The following MYO1B variants were observed in gnomAD, a reference collection of about 807,000 sequenced individuals.
The protein encoded by MYO1B is unconventional myosin-Ib.
A neutral mutation model predicts 159.7 loss-of-function variants in MYO1B; 72 were observed. The ratio of observed to expected loss-of-function variants is 0.45; its 90% CI spans 0.37 to 0.55. The LOEUF (loss-of-function observed/expected upper bound fraction) is 0.55. Ranked by LOEUF, MYO1B falls within the 20% of genes least tolerant of loss-of-function variation. The probability of loss-of-function intolerance (pLI) is 0.00; values close to 1 mark genes in which losing one functional copy is unlikely to be tolerated. For missense variants in MYO1B, 1,062 were observed against 1,364.8 expected (o/e 0.78, Z 3.50); for synonymous variants, 468 against 473.8 (o/e 0.99, Z 0.16).
chr2:191,385,983 A>C lies in MYO1B; in HGVS notation c.1453A>C (p.Thr485Pro). The part of the protein sequence containing the change: ...FLEKLNQVCA[T>P]HQHFESRMSK... ...AGAAAAGCTGAACCAAGTATGTGCC[A>C]CCCACCAGCATTTTGAGAGCAGGAT... The change falls in exon 16 of 31, where the codon ACC becomes CCC. Residue 485 changes from threonine to proline, a missense_variant. Around this residue, in one of 5 missense-constraint regions of MYO1B, gnomAD observed 26 missense variants for 26.9 expected, o/e 0.97. Coordinates refer to ENST00000392318, the MANE Select transcript of MYO1B (RefSeq NM_001130158.3). 4.3e-6 allele frequency: 7 copies of C among 1,614,144 alleles called. No homozygotes were observed. The highest frequency in any genetic ancestry group is 5.9e-6 in the Non-Finnish European group (7 of 1,179,996).
chr2:191,406,746 T>C (rs1696938453), intron 24 of MYO1B, among the ~76,000 whole-genome samples: 1 of 152,220 alleles, frequency 6.6e-6, no homozygotes, highest in Non-Finnish European at 1.5e-5. Context: ...GAGCACATGC[T>C]GTTGGAAAAA....
intron 24 of MYO1B, among the ~76,000 whole-genome samples, chr2:191,405,369 A>G (rs1385587033): frequency 2.0e-5 from 3 of 152,144 alleles, no homozygotes; most frequent in Non-Finnish European, 4.4e-5. Flanking sequence ...GTTGGAATCA[A>G]CTTCTTCCAA....
chr2:191,342,305 C>T (rs1158701782), intron 5 of MYO1B, among the ~76,000 whole-genome samples: 3 of 152,166 alleles, frequency 2.0e-5, no homozygotes, highest in Non-Finnish European at 2.9e-5. Context: ...GGGCCTCACC[C>T]GTCATGACCA....
intron 13 of MYO1B, among the ~76,000 whole-genome samples, chr2:191,372,727 A>G (rs1438710959): frequency 2.0e-5 from 3 of 152,104 alleles, no homozygotes; most frequent in African/African-American, 7.2e-5. Context: ...CCCTTCAGCA[A>G]TCCAAGAATA....
chr2:191,310,829 T>G (rs1689958380), intron 3 of MYO1B, among the ~76,000 whole-genome samples: 1 of 152,194 alleles, frequency 6.6e-6, no homozygotes, highest in African/African-American at 2.4e-5. Flanking sequence ...TTTTCAGACT[T>G]GTTAAATATG....
At chr2:191,302,535 A>G (rs1285979075) in intron 3 of MYO1B, among the ~76,000 whole-genome samples, 2 of 152,102 alleles carry the variant, frequency 1.3e-5, no homozygotes, top group African/African-American at 2.4e-5. Context: ...GGTGCTCTTC[A>G]ACTCTTAAGT....
intron 23 of MYO1B, among the ~76,000 whole-genome samples, chr2:191,401,285 GA>G (rs1431075465): frequency 6.6e-6 from 1 of 152,082 alleles, no homozygotes; most frequent in African/African-American, 2.4e-5. Context: ...ATTTATGAAT[GA>G]AATTTTTTTT....
intron 1 of MYO1B, among the ~76,000 whole-genome samples, chr2:191,254,516 T>G (rs1343459574): frequency 1.3e-5 from 2 of 152,004 alleles, no homozygotes; most frequent in Admixed American, 6.6e-5. Flanking sequence ...GGCCTCTTTT[T>G]TTTTTTTAGA....
chr2:191,362,324 G>C lies in MYO1B; in HGVS notation c.718G>C (p.Ala240Pro), dbSNP rs781465830. The C allele has an allele frequency of 6.2e-7, 1 of 1,613,878 alleles. No homozygotes were observed. Among genetic ancestry groups the C allele is most frequent in the Non-Finnish European group, 8.5e-7 (1 of 1,179,816 alleles). Residue 240 changes from alanine (A) to proline (P), a missense_variant, in exon 9 of 31, where the codon GCC becomes CCC. By Grantham distance (27) the Ala-to-Pro change is conservative. Transcript: ENST00000392318. ...GTATAACTACCTGAGTCTGGATTCGGCCAAAGTGAATGGAGTGGATGATGC... is the reference window on the plus strand; with the variant it reads ...GTATAACTACCTGAGTCTGGATTCGCCCAAAGTGAATGGAGTGGATGATGC... ...SRYNYLSLDSAKVNGVDDAAN... is the reference protein window; with the variant it reads ...SRYNYLSLDSPKVNGVDDAAN...
intron 11 of MYO1B, among the ~76,000 whole-genome samples, chr2:191,364,900 G>A (rs1693908046): frequency 6.6e-6 from 1 of 152,180 alleles, no homozygotes. Context: ...AATGTTTTTG[G>A]CCCAAGCAAC....
In MYO1B at chr2:191,387,902, A is replaced by G. The variant is rs188546444; in HGVS notation, c.1781+452A>G. On this transcript the variant is annotated intron_variant, in intron 17 of 30. Transcript: ENST00000392318. ...CTCTGGCACTTCTTAGGAGACATGC[A>G]CTTTTTTCTTCCCTGTGAGAGGTGT... 16 of 196,034 alleles carry G rather than the reference A, an allele frequency of 8.2e-5. 1 individual carries two copies. In the South Asian group the frequency reaches 1.1e-3, roughly 13 times the overall value. 12.1% of individuals were successfully genotyped at this position (196,034 alleles called of 1,614,324 possible).
intron 20 of MYO1B, among the ~76,000 whole-genome samples, chr2:191,393,632 A>T (rs964132796): frequency 9.9e-5 from 15 of 152,158 alleles, no homozygotes; most frequent in African/African-American, 3.4e-4. Context: ...GCTATTCTTT[A>T]TTGTAGCAGC....
chr2:191,296,042 TA>T, intron 2 of MYO1B, 68 bp from the exon 3 acceptor site: 1 of 851,904 alleles, frequency 1.2e-6, no homozygotes, highest in Admixed American at 3.0e-5. Context: ...CATACAACAC[TA>T]AAGCTTAAGA....
chr2:191,264,278 ATG>A (rs1686993489), intron 1 of MYO1B, among the ~76,000 whole-genome samples: 1 of 152,206 alleles, frequency 6.6e-6, no homozygotes, highest in South Asian at 2.1e-4. Context: ...CCTAATGTAA[ATG>A]TATAAATATC....
chr2:191,352,926 G>A (rs1693015937), intron 7 of MYO1B, among the ~76,000 whole-genome samples: 1 of 152,184 alleles, frequency 6.6e-6, no homozygotes, highest in African/African-American at 2.4e-5. Flanking sequence ...TTTGTAGGAA[G>A]TATATTTTGC....
chr2:191,392,017 T>C, intron 18 of MYO1B, 91 bp from the exon 19 acceptor site: 1 of 835,148 alleles, frequency 1.2e-6, no homozygotes, highest in East Asian at 2.5e-5. Flanking sequence ...TGAAGCTATG[T>C]TTTATACCAC....
intron 21 of MYO1B, among the ~76,000 whole-genome samples, chr2:191,396,930 G>T (rs1197823701): frequency 6.6e-6 from 1 of 152,090 alleles, no homozygotes; most frequent in South Asian, 2.1e-4. Flanking sequence ...GCCAGGTCTA[G>T]TGGTGGGGAC....
intron 2 of MYO1B, among the ~76,000 whole-genome samples, chr2:191,286,689 T>A (rs1688392415): frequency 1.3e-5 from 2 of 152,160 alleles, no homozygotes; most frequent in African/African-American, 4.8e-5. Flanking sequence ...TCCCAGCACT[T>A]TGGGAGTCTG....
rs777172774 is a variant in MYO1B at position 191,381,397 on chromosome 2, G to GT, written c.1186-64dup. On this transcript the variant is annotated intron_variant, in intron 13 of 30. Coordinates refer to ENST00000392318, the MANE Select transcript of MYO1B (RefSeq NM_001130158.3). ...ATTTCTCATGGATTGAGATGTCTGA[G>GT]TGTCATTGTTTTGAGAGAGCTAGTG... 7.3e-6 allele frequency: 8 copies of GT among 1,100,834 alleles called. No homozygotes were observed. In the Admixed American group the frequency reaches 1.0e-4, roughly 14 times the overall value. 68.2% of individuals were successfully genotyped at this position (1,100,834 alleles called of 1,614,324 possible). A position where few individuals can be genotyped will look rare whatever the true frequency, so the allele number is the denominator to read the frequency against.
Sources: gnomAD v4.1 joint callset for allele counts (sites outside exome capture counted in the v4.1 genomes callset) on GRCh38, gnomAD v4.1.1 for gene constraint, gnomAD v4.1.1 regional missense constraint, MANE v1.5 for transcripts, NCBI Gene and HGNC (gene_info 2026-07-23, HGNC 2026-07-21) for gene names.